Variants in CD38 observed in about 807,000 individuals in gnomAD.
The protein encoded by CD38 is CD38 molecule.
A neutral mutation model predicts 36.3 loss-of-function variants in CD38; 31 were observed. That is an observed-to-expected ratio of 0.85 (90% CI 0.64 to 1.15). The LOEUF is 1.15. CD38 is among the 50% of genes most tolerant of loss of function. The pLI, the probability that CD38 is intolerant of heterozygous loss-of-function variation, is 0.00. For synonymous variants in CD38, 131 were observed against 135.2 expected (o/e 0.97, Z 0.22); for missense variants, 380 against 371.9 (o/e 1.02, Z -0.18).
intron 1 of CD38, among the ~76,000 whole-genome samples, chr4:15,790,441 G>A (rs1277894899): frequency 1.3e-5 from 2 of 152,058 alleles, no homozygotes; most frequent in Admixed American, 6.5e-5. Flanking sequence ...GCCTCCCGAG[G>A]TGCCGGGATT....
chr4:15,789,596 G>A (rs932956485), intron 1 of CD38, among the ~76,000 whole-genome samples: 6 of 152,320 alleles, frequency 3.9e-5, no homozygotes, highest in Non-Finnish European at 7.4e-5. Context: ...AGAAGTGGCA[G>A]GATGAGAGAT....
intron 1 of CD38, among the ~76,000 whole-genome samples, chr4:15,789,801 G>A (rs1404677623): frequency 1.5e-5 from 2 of 132,268 alleles, no homozygotes; most frequent in South Asian, 2.3e-4. Flanking sequence ...GTGATGCCCT[G>A]TCCTGCCTCA....
rs776072019 is a variant in CD38 at position 15,848,647 on chromosome 4, A to C, written c.*45A>C. The C allele has an allele frequency of 4.0e-6, 6 of 1,503,116 alleles. No homozygotes were observed. Among genetic ancestry groups the C allele is most frequent in the Non-Finnish European group, 5.6e-6 (6 of 1,079,590 alleles). 93.1% of individuals were successfully genotyped at this position (1,503,116 alleles called of 1,614,324 possible). On this transcript the variant is annotated 3_prime_UTR_variant, in exon 8 of 8. Transcript: ENST00000226279. Reference sequence around the variant, plus strand: ...TTAGCTCCTTGACTCCTTGTGGTTTATGTCATCATACATGACTCAGCATAC... The same window carrying C: ...TTAGCTCCTTGACTCCTTGTGGTTTCTGTCATCATACATGACTCAGCATAC...
At chr4:15,822,612 A>G (rs915046709) in intron 2 of CD38, among the ~76,000 whole-genome samples, 2 of 152,152 alleles carry the variant, frequency 1.3e-5, no homozygotes, top group African/African-American at 4.8e-5. Context: ...AATACCTAGG[A>G]ATACAGCAAA....
At chr4:15,798,807 A>G (rs920688386) in intron 1 of CD38, among the ~76,000 whole-genome samples, 5 of 152,160 alleles carry the variant, frequency 3.3e-5, no homozygotes, top group Non-Finnish European at 7.4e-5. Flanking sequence ...CCTGATCATT[A>G]ACATAAGTAA....
chr4:15,823,300 A>C (rs1723779167), intron 2 of CD38, among the ~76,000 whole-genome samples: 1 of 152,266 alleles, frequency 6.6e-6, no homozygotes, highest in African/African-American at 2.4e-5. Context: ...ATGCAATTGT[A>C]ACAAAAGCAA....
At chr4:15,841,807 C>A (rs1021365243) in intron 7 of CD38, among the ~76,000 whole-genome samples, 1 of 139,584 alleles carries the variant, frequency 7.2e-6, no homozygotes, top group African/African-American at 2.9e-5. Flanking sequence ...ACGGACGCAC[C>A]TGGAAAATCG....
At chr4:15,840,177 C>T (rs1159661630) in intron 6 of CD38, 59 bp downstream of exon 6, 4 of 1,246,590 alleles carry the variant, frequency 3.2e-6, no homozygotes, top group Non-Finnish European at 4.7e-6. Flanking sequence ...CAAAAGAATC[C>T]ACAGTCACAA....
At chr4:15,830,166 A>G (rs1723931027) in intron 3 of CD38, among the ~76,000 whole-genome samples, 1 of 152,182 alleles carries the variant, frequency 6.6e-6, no homozygotes, top group Non-Finnish European at 1.5e-5. Context: ...AGAAACCTCA[A>G]AACTGTTCTC....
chr4:15,840,470 C>A lies in CD38; in HGVS notation c.771C>A (p.Pro257=). 6.2e-7 allele frequency: 1 copy of A among 1,602,202 alleles called. No individual in the cohort carries two copies. The highest frequency in any genetic ancestry group is 8.5e-7 in the Non-Finnish European group (1 of 1,170,096). Residue 257 remains proline, a synonymous_variant, in exon 7 of 8, where the codon CCC becomes CCA. Transcript: ENST00000226279. ...TCCCCAGAGACTTATGCCAGGATCCCACCATAAAAGAGCTGGAATCGATTA... is the reference window on the plus strand; with the variant it reads ...TCCCCAGAGACTTATGCCAGGATCCAACCATAAAAGAGCTGGAATCGATTA... ...REDSRDLCQD[P]TIKELESIIS...
intron 1 of CD38, among the ~76,000 whole-genome samples, chr4:15,805,930 G>A (rs1355711870): frequency 6.6e-6 from 1 of 152,200 alleles, no homozygotes; most frequent in East Asian, 1.9e-4. Context: ...AAAATTTAAA[G>A]GACGAGTGTA....
In CD38 at chr4:15,852,417, G is replaced by A. The variant is rs374857012; in HGVS notation, c.*3815G>A. The A allele has an allele frequency of 7.8e-4, 118 of 152,246 alleles. 2 individuals are homozygous for A. The highest frequency in any genetic ancestry group is 2.6e-3 in the African/African-American group (107 of 41,528). 9.4% of individuals were successfully genotyped at this position (152,246 alleles called of 1,614,324 possible). On this transcript the variant is annotated 3_prime_UTR_variant, in exon 8 of 8. Transcript: ENST00000226279. ...AACAATTCCTAAATCTGTAACTTAA[G>A]TTTCTCAGGAAGATTCCATACTGCA...
At chr4:15,847,588 T>A in intron 7 of CD38, among the ~76,000 whole-genome samples, 1 of 54,122 alleles carries the variant, frequency 1.8e-5, no homozygotes. Flanking sequence ...AAAACAACTC[T>A]CAGAAGCAAA....
rs115982738 is a variant in CD38 at position 15,799,869 on chromosome 4, C to G, written c.234-16642C>G. Among the ~76,000 whole-genome samples, 1,360 of 152,238 alleles carry G rather than the reference C, an allele frequency of 8.9e-3. 20 individuals carry two copies. Among genetic ancestry groups the G allele is most frequent in the African/African-American group, 0.031 (1,297 of 41,522 alleles). On this transcript the variant is annotated intron_variant, in intron 1 of 7. Transcript: ENST00000226279. ...AAACAGTAAACCACAGATAAAACAG[C>G]TCAGGCACAGAGGGAGGAGGGAGAA...
intron 1 of CD38, among the ~76,000 whole-genome samples, chr4:15,780,565 C>T (rs1277881375): frequency 3.5e-5 from 5 of 141,766 alleles, no homozygotes; most frequent in Non-Finnish European, 6.3e-5. Context: ...CACACACACA[C>T]ACATACAGTC....
At chr4:15,828,754 T>C (rs1253960104) in intron 3 of CD38, among the ~76,000 whole-genome samples, 1 of 152,242 alleles carries the variant, frequency 6.6e-6, no homozygotes, top group African/African-American at 2.4e-5. Context: ...ATCTTGGCTA[T>C]TGTAAATAGT....
intron 2 of CD38, among the ~76,000 whole-genome samples, chr4:15,824,095 AG>A (rs1377520945): frequency 6.6e-6 from 1 of 152,184 alleles, no homozygotes; most frequent in Non-Finnish European, 1.5e-5. Flanking sequence ...GGAGCTGAAC[AG>A]TGAGAACACA....
At chr4:15,797,459 C>T (rs1011692745) in intron 1 of CD38, among the ~76,000 whole-genome samples, 2 of 152,116 alleles carry the variant, frequency 1.3e-5, no homozygotes, top group African/African-American at 4.8e-5. Flanking sequence ...ATGATTTTTT[C>T]CCAGTGTGTT....
intron 7 of CD38, 54 bp downstream of exon 7, chr4:15,840,592 T>TC (rs1255494925): frequency 9.7e-7 from 1 of 1,035,076 alleles, no homozygotes; most frequent in African/African-American, 1.6e-5. Flanking sequence ...CTGTAGAATT[T>TC]CCTTTTTTCC....
Sources: allele counts gnomAD v4.1 joint callset (sites outside exome capture counted in the v4.1 genomes callset), GRCh38; gene constraint gnomAD v4.1.1; transcripts MANE v1.5; gene names NCBI Gene and HGNC (gene_info 2026-07-23, HGNC 2026-07-21).